ATP2B2: variants seen among roughly 807,000 people sequenced by gnomAD.
ATP2B2 encodes plasma membrane calcium-transporting ATPase 2.
Under a neutral mutation model 120.0 loss-of-function variants are expected in ATP2B2, and 15 were observed. The ratio of observed to expected loss-of-function variants is 0.12; its 90% CI spans 0.08 to 0.19. The LOEUF (loss-of-function observed/expected upper bound fraction) is 0.19. ATP2B2 is among the 10% of genes least tolerant of loss of function. ATP2B2 has a pLI of 1.00. For missense variants in ATP2B2, 1,045 were observed against 1,719.8 expected (o/e 0.61, Z 6.94); for synonymous variants, 694 against 700.3 (o/e 0.99, Z 0.14).
chr3:10,376,895 C>T (rs567527369), intron 10 of ATP2B2, among the ~76,000 whole-genome samples: 31 of 152,184 alleles, frequency 2.0e-4, no homozygotes, highest in Non-Finnish European at 3.1e-4. Context: ...CCCATGGGAT[C>T]GGGAGAGGCT....
At chr3:10,553,012 C>T (rs938114507) in intron 2 of ATP2B2, among the ~76,000 whole-genome samples, 2 of 152,198 alleles carry the variant, frequency 1.3e-5, no homozygotes, top group African/African-American at 4.8e-5. Context: ...ACTGCTCTGT[C>T]CTCTATGGCC....
intron 12 of ATP2B2, among the ~76,000 whole-genome samples, chr3:10,371,322 G>T (rs766202599): frequency 1.3e-5 from 2 of 152,230 alleles, no homozygotes; most frequent in Non-Finnish European, 2.9e-5. Context: ...CCCAGCTGAG[G>T]CCATGCCAAG....
chr3:10,466,060 T>C (rs1326053081), intron 1 of ATP2B2, among the ~76,000 whole-genome samples: 4 of 152,238 alleles, frequency 2.6e-5, no homozygotes, highest in Admixed American at 6.5e-5. Context: ...ATCCCTGTGA[T>C]GCCTAAGCCC....
chr3:10,596,581 G>A (rs1474860765), intron 2 of ATP2B2, among the ~76,000 whole-genome samples: 1 of 152,208 alleles, frequency 6.6e-6, no homozygotes, highest in African/African-American at 2.4e-5. Flanking sequence ...CTGTAGAACG[G>A]TTAAGCATCA....
At position 10,325,825 on chromosome 3, in the gene ATP2B2, G is replaced by A. The variant is rs1349844337; in HGVS notation, c.*2989C>T. ...TCATCTGTTGAGGGGGAGACAAGTT[G>A]GTGAGCTTAGCTCTCAGAACCAAAT... On this transcript the variant is annotated 3_prime_UTR_variant, in exon 23 of 23. Transcript: ENST00000360273. 1 of 152,192 alleles carries A rather than the reference G, an allele frequency of 6.6e-6. No homozygotes were observed. Among genetic ancestry groups the A allele is most frequent in the East Asian group, 1.9e-4 (1 of 5,200 alleles). 9.4% of individuals were successfully genotyped at this position (152,192 alleles called of 1,614,324 possible).
chr3:10,404,738 A>T (rs2062352177), intron 3 of ATP2B2, among the ~76,000 whole-genome samples: 1 of 152,198 alleles, frequency 6.6e-6, no homozygotes, highest in South Asian at 2.1e-4. Context: ...TACCACCATG[A>T]ATGACACCAA....
At position 10,371,994 on chromosome 3, in the gene ATP2B2, T is replaced by C. The variant is rs2061257431; in HGVS notation, c.1474A>G (p.Asn492Asp). The change falls in exon 12 of 23, where the codon AAT (asparagine) becomes GAT (aspartate). Residue 492 changes from asparagine (N) to aspartate (D), a missense_variant. This residue lies in a region of ATP2B2 where 343 missense variants were observed against 536.8 expected (regional missense o/e 0.64). Transcript: ENST00000360273. ...TTGTCTGAGCAGATGGCTGTGGCAT[T>C]GCCCATGGTCTCACAGGCATCCAGG... The part of the protein sequence containing the change: ...RHLDACETMG[N>D]ATAICSDKTG... The C allele has an allele frequency of 6.2e-7, 1 of 1,614,098 alleles. No individual in the cohort carries two copies.
chr3:10,608,830 G>A (rs544926150), intron 2 of ATP2B2, among the ~76,000 whole-genome samples: 8 of 152,300 alleles, frequency 5.3e-5, no homozygotes, highest in South Asian at 2.1e-4. Context: ...GACTAGGGGC[G>A]CTGCTGGGGA....
At chr3:10,395,627 A>C (rs1575111662) in intron 5 of ATP2B2, among the ~76,000 whole-genome samples, 1 of 152,252 alleles carries the variant, frequency 6.6e-6, no homozygotes, top group East Asian at 1.9e-4. Flanking sequence ...GAAAGTTTGA[A>C]ATTATCTTAA....
chr3:10,543,519 AG>A (rs2067481636), intron 2 of ATP2B2, among the ~76,000 whole-genome samples: 1 of 152,224 alleles, frequency 6.6e-6, no homozygotes. Flanking sequence ...ATTGTTAAAG[AG>A]ACTTGTAAAA....
At chr3:10,455,724 T>C (rs1248293861) in intron 1 of ATP2B2, among the ~76,000 whole-genome samples, 1 of 152,178 alleles carries the variant, frequency 6.6e-6, no homozygotes, top group Non-Finnish European at 1.5e-5. Context: ...AGACCTGGCC[T>C]AAAGAGGTTG....
rs372692383 is a variant in ATP2B2 at position 10,340,446 on chromosome 3, C to T, written c.3129+47G>A. On this transcript the variant is annotated intron_variant, in intron 20 of 22. Transcript: ENST00000360273. This position sits in a 1 kb window ranked among gnomAD's most constrained non-coding sequence, Gnocchi z 5.0. ...TCAGGGTCCTGCCCAGGGGCTCCAG[C>T]CGCTTGCTGCCCACCCCGGGCCTGG... The T allele has an allele frequency of 1.4e-5, 23 of 1,613,950 alleles. No individual in the cohort carries two copies. In the African/African-American group the frequency reaches 2.7e-4, roughly 19 times the overall value.
intron 3 of ATP2B2, among the ~76,000 whole-genome samples, chr3:10,405,675 T>C (rs1345089460): frequency 6.6e-6 from 1 of 152,128 alleles, no homozygotes; most frequent in Non-Finnish European, 1.5e-5. Context: ...CCTGCGGCTA[T>C]AGAGGGTGTG....
At chr3:10,501,124 G>A (rs1055657918) in intron 1 of ATP2B2, among the ~76,000 whole-genome samples, 3 of 152,110 alleles carry the variant, frequency 2.0e-5, no homozygotes, top group South Asian at 2.1e-4. Context: ...GCCCCTGCTC[G>A]GGCCTGGTCA....
intron 2 of ATP2B2, among the ~76,000 whole-genome samples, chr3:10,588,208 C>T (rs772704670): frequency 3.5e-4 from 54 of 152,214 alleles, no homozygotes; most frequent in Admixed American, 4.6e-4. Flanking sequence ...CTGCCCTGTG[C>T]GTTGGCCTTT....
chr3:10,632,831 C>A (rs990056939), intron 1 of ATP2B2, among the ~76,000 whole-genome samples: 2 of 152,204 alleles, frequency 1.3e-5, no homozygotes, highest in Admixed American at 6.5e-5. Flanking sequence ...GTGGTGACAG[C>A]CCCGGAATAG....
chr3:10,610,614 C>T (rs1541957), intron 2 of ATP2B2, among the ~76,000 whole-genome samples: 135,279 of 152,198 alleles, frequency 0.89, 60,162 homozygotes, highest in Middle Eastern at 0.96. Flanking sequence ...GTTCTTGGCC[C>T]TGTTCAATCT....
At chr3:10,344,124 A>C (rs2060361727) in intron 18 of ATP2B2, among the ~76,000 whole-genome samples, 4 of 146,636 alleles carry the variant, frequency 2.7e-5, no homozygotes, top group South Asian at 2.2e-4. Flanking sequence ...CGTCCTCCCC[A>C]CCCCGGGCTT....
intron 2 of ATP2B2, among the ~76,000 whole-genome samples, chr3:10,593,900 G>C (rs1401635317): frequency 6.6e-6 from 1 of 152,168 alleles, no homozygotes; most frequent in African/African-American, 2.4e-5. Context: ...TCAACAAGTG[G>C]GCGGAGGATA....
Sources: gnomAD v4.1 joint callset for allele counts (sites outside exome capture counted in the v4.1 genomes callset) on GRCh38, gnomAD v4.1.1 for gene constraint, gnomAD v4.1.1 regional missense constraint, Gnocchi (gnomAD v3.1) non-coding constraint, MANE v1.5 for transcripts, NCBI Gene and HGNC (gene_info 2026-07-23, HGNC 2026-07-21) for gene names.